Variants in JAZF1 observed in about 807,000 individuals in gnomAD.
JAZF1 encodes juxtaposed with another zinc finger protein 1.
Under a neutral mutation model 26.4 loss-of-function variants are expected in JAZF1, and 8 were observed. The ratio of observed to expected loss-of-function variants is 0.30; its 90% CI spans 0.18 to 0.55. The LOEUF is 0.55. Among genes scored for constraint, JAZF1 ranks in the 20% least tolerant of loss-of-function variants. The probability of loss-of-function intolerance (pLI) is 0.94; values close to 1 mark genes in which losing one functional copy is unlikely to be tolerated. For synonymous variants in JAZF1, 126 were observed against 122.3 expected (o/e 1.03, Z -0.20); for missense variants, 199 against 322.0 (o/e 0.62, Z 2.92).
intron 1 of JAZF1, among the ~76,000 whole-genome samples, chr7:28,102,896 G>A (rs1279356769): frequency 6.6e-6 from 1 of 152,108 alleles, no homozygotes; most frequent in Admixed American, 6.5e-5. Context: ...ACATAAAACA[G>A]CACTCAAAGG....
intron 4 of JAZF1, among the ~76,000 whole-genome samples, chr7:27,836,023 G>C (rs112759592): frequency 0.028 from 4,220 of 152,246 alleles, 92 homozygotes; most frequent in Middle Eastern, 0.058. Flanking sequence ...TCCTAGAGAA[G>C]GTGAGTGACT....
chr7:28,049,286 A>G (rs1450794090), intron 1 of JAZF1, among the ~76,000 whole-genome samples: 3 of 151,394 alleles, frequency 2.0e-5, no homozygotes, highest in African/African-American at 4.9e-5. Context: ...GTTTCACCAT[A>G]CTGCCCAGGC....
At chr7:27,958,837 G>A (rs1785142876) in intron 2 of JAZF1, among the ~76,000 whole-genome samples, 1 of 152,180 alleles carries the variant, frequency 6.6e-6, no homozygotes, top group African/African-American at 2.4e-5. Flanking sequence ...AAGAAGAATG[G>A]ATGACAATGG....
chr7:27,998,433 G>A (rs38520), intron 1 of JAZF1, among the ~76,000 whole-genome samples: 9,588 of 152,164 alleles, frequency 0.063, 432 homozygotes, highest in Non-Finnish European at 0.097. Context: ...GTTTACTTCA[G>A]CTGCTGAAAC....
intron 1 of JAZF1, among the ~76,000 whole-genome samples, chr7:28,002,387 T>A (rs935278977): frequency 1.3e-5 from 2 of 152,066 alleles, no homozygotes; most frequent in African/African-American, 4.8e-5. Flanking sequence ...GGTACCCGAG[T>A]CTCCAAGGCT....
intron 2 of JAZF1, among the ~76,000 whole-genome samples, chr7:27,898,304 T>TATATATATATATACAC (rs375859244): frequency 0.013 from 1,669 of 128,862 alleles, 30 homozygotes; most frequent in Middle Eastern, 0.039. Flanking sequence ...TATATATATA[T>TATATATATATATACAC]ACATCGGTTT....
Position 28,090,607 on chromosome 7 carries a change from C to A in JAZF1, c.115+89856G>T, listed in dbSNP as rs568323886. Among the ~76,000 whole-genome samples, 2 of 152,134 alleles carry A rather than the reference C, an allele frequency of 1.3e-5. 1 individual carries two copies. The highest frequency in any genetic ancestry group is 4.1e-4 in the South Asian group (2 of 4,832). On this transcript the variant is annotated intron_variant, in intron 1 of 4. Coordinates refer to ENST00000283928, the MANE Select transcript of JAZF1 (RefSeq NM_175061.4). ...CTCCTTTGAGCATCACAATATCCTC[C>A]AACACAGGTACTAGTACTCCCACAT...
chr7:27,874,999 A>G (rs2128338582), intron 3 of JAZF1, among the ~76,000 whole-genome samples: 1 of 152,340 alleles, frequency 6.6e-6, no homozygotes, highest in South Asian at 2.1e-4. Flanking sequence ...TAGGTCCCAG[A>G]GAGCCGTATT....
chr7:27,858,918 A>C (rs945328053), intron 3 of JAZF1, among the ~76,000 whole-genome samples: 4 of 152,260 alleles, frequency 2.6e-5, no homozygotes, highest in South Asian at 2.1e-4. Context: ...ACAGCAAAAG[A>C]AACTATCATC....
chr7:28,115,916 G>A (rs1784734054), intron 1 of JAZF1, among the ~76,000 whole-genome samples: 1 of 151,872 alleles, frequency 6.6e-6, no homozygotes, highest in African/African-American at 2.4e-5. Context: ...ACTTTGGTGG[G>A]GTTTTTTTTC....
intron 1 of JAZF1, among the ~76,000 whole-genome samples, chr7:28,033,044 G>A (rs780386497): frequency 3.9e-5 from 6 of 152,068 alleles, no homozygotes; most frequent in Non-Finnish European, 8.8e-5. Context: ...ACAGCACCTT[G>A]CAAATTGAAT....
intron 2 of JAZF1, among the ~76,000 whole-genome samples, chr7:27,919,783 T>C (rs894497621): frequency 2.0e-5 from 3 of 152,198 alleles, no homozygotes; most frequent in Non-Finnish European, 4.4e-5. Context: ...ATTTATTAAA[T>C]AATTAATACG....
intron 1 of JAZF1, among the ~76,000 whole-genome samples, chr7:28,006,512 A>G (rs749703337): frequency 2.6e-5 from 4 of 152,220 alleles, no homozygotes; most frequent in African/African-American, 4.8e-5. Context: ...TCAAGTAGCA[A>G]TAATAACTGA....
intron 3 of JAZF1, among the ~76,000 whole-genome samples, chr7:27,852,280 C>A (rs537986960): frequency 6.6e-6 from 1 of 151,890 alleles, no homozygotes; most frequent in Non-Finnish European, 1.5e-5. Context: ...TACAGACGTG[C>A]GCCCCAACAC....
At chr7:28,088,952 A>G (rs1258340738) in intron 1 of JAZF1, among the ~76,000 whole-genome samples, 1 of 152,208 alleles carries the variant, frequency 6.6e-6, no homozygotes, top group Admixed American at 6.5e-5. Context: ...GACACTGGAC[A>G]AATCATCAGC....
intron 3 of JAZF1, among the ~76,000 whole-genome samples, chr7:27,860,986 C>T (rs1189557326): frequency 6.6e-6 from 1 of 152,236 alleles, no homozygotes; most frequent in East Asian, 1.9e-4. Flanking sequence ...ACTGTCCCAG[C>T]AGTTCCCTTT....
chr7:28,123,295 G>T (rs1256544987), intron 1 of JAZF1, among the ~76,000 whole-genome samples: 1 of 152,096 alleles, frequency 6.6e-6, no homozygotes, highest in Non-Finnish European at 1.5e-5. Context: ...ATCTTCTTCA[G>T]ATCTCAGTTC....
At chr7:28,000,713 C>A (rs559542846) in intron 1 of JAZF1, among the ~76,000 whole-genome samples, 1 of 150,276 alleles carries the variant, frequency 6.7e-6, no homozygotes, top group African/African-American at 2.5e-5. Context: ...CTGCCTCCCA[C>A]GTTCAATCGA....
At chr7:28,132,148 A>C (rs1371476393) in intron 1 of JAZF1, among the ~76,000 whole-genome samples, 2 of 152,202 alleles carry the variant, frequency 1.3e-5, no homozygotes, top group Non-Finnish European at 2.9e-5. Context: ...CATTTTGAAA[A>C]CATGTGAGCT....
Sources: allele counts gnomAD v4.1 joint callset (sites outside exome capture counted in the v4.1 genomes callset), GRCh38; gene constraint gnomAD v4.1.1; transcripts MANE v1.5; gene names NCBI Gene and HGNC (gene_info 2026-07-23, HGNC 2026-07-21).